EPG5: variants seen among roughly 807,000 people sequenced by gnomAD.
The protein encoded by EPG5 is ectopic P-granules 5 autophagy tethering factor.
In EPG5, 159 loss-of-function variants were observed where a neutral mutation model predicts 302.7. That is an observed-to-expected ratio of 0.53 (90% CI 0.46 to 0.60). EPG5 has a LOEUF of 0.60. Ranked by LOEUF, EPG5 falls within the 20% of genes least tolerant of loss-of-function variation. The pLI, the probability that EPG5 is intolerant of heterozygous loss-of-function variation, is 0.00. For synonymous variants in EPG5, 1,158 were observed against 1,136.8 expected, an observed-to-expected ratio of 1.02 and a Z score of -0.37; for missense variants, 2,896 against 3,092.4, an observed-to-expected ratio of 0.94 and a Z score of 1.51.
At chr18:45,892,342 CAAG>C (rs886980069) in intron 27 of EPG5, among the ~76,000 whole-genome samples, 2 of 152,154 alleles carry the variant, frequency 1.3e-5, no homozygotes, top group Non-Finnish European at 2.9e-5. Context: ...TTCATAATTA[CAAG>C]AAGTAGTAGA....
the EPG5 span, chr18:45,840,152 G>A: frequency 6.8e-5 from 109 of 1,591,604 alleles, 1 homozygote; most frequent in Non-Finnish European, 7.6e-5. Context: ...GGGGGTGGGC[G>A]CACAGGCTGC....
At position 45,876,261 on chromosome 18, in the gene EPG5, A is replaced by C; in HGVS notation, c.6024T>G (p.Ile2008Met). The C allele has an allele frequency of 6.2e-7, 1 of 1,613,812 alleles. No homozygotes were observed. The highest frequency in any genetic ancestry group is 8.5e-7 in the Non-Finnish European group (1 of 1,179,700). Reference sequence around the variant, plus strand: ...CTTTAAAACTCTCATGCAGTGAGTCAATACAGTCAGTGAACAGCTGCACAA... The same window carrying C: ...CTTTAAAACTCTCATGCAGTGAGTCCATACAGTCAGTGAACAGCTGCACAA... ...SSIVQLFTDC[I>M]DSLHESFKDK... is the part of the protein sequence containing the mutation. Residue 2008 changes from isoleucine to methionine, a missense_variant, in exon 35 of 44, where the codon ATT becomes ATG. Transcript: ENST00000282041.
chr18:45,899,349 A>C, intron 27 of EPG5, 55 bp downstream of exon 27: 2 of 1,596,308 alleles, frequency 1.3e-6, no homozygotes, highest in Non-Finnish European at 1.7e-6. Flanking sequence ...TTGATAAGCC[A>C]ACATTACGGA....
rs1257526885 is a variant in EPG5, at chr18:45,916,100, G to A, written c.3491C>T (p.Pro1164Leu). 1.2e-6 allele frequency: 2 copies of A among 1,614,062 alleles called. No individual in the cohort carries two copies. The highest frequency in any genetic ancestry group is 1.3e-5 in the African/African-American group (1 of 74,934). ...ISQHLWYREQ[P>L]ILFLMDHLCK... The stretch of plus-strand genomic sequence containing the variant: ...CAAGTGGTCCATGAGGAAGAGGATA[G>A]GTTGTTCTCGGTACCAGAGATGCTG... Residue 1164 changes from proline to leucine, a missense_variant, in exon 19 of 44, where the codon CCT becomes CTT. By Grantham distance (98) the Pro-to-Leu change is moderately conservative. Around this residue, in one of 5 missense-constraint regions of EPG5, gnomAD observed 1,390 missense variants for 1,430.0 expected, o/e 0.97. Coordinates refer to ENST00000282041, the MANE Select transcript of EPG5 (RefSeq NM_020964.3).
the EPG5 span, among the ~76,000 whole-genome samples, chr18:45,823,242 G>A: frequency 1.3e-5 from 2 of 152,112 alleles, no homozygotes; most frequent in East Asian, 3.9e-4. Flanking sequence ...AACAAATTTA[G>A]GAATTTGAGC....
intron 27 of EPG5, among the ~76,000 whole-genome samples, chr18:45,895,841 T>C (rs1273576888): frequency 1.3e-5 from 2 of 152,306 alleles, no homozygotes; most frequent in South Asian, 2.1e-4. Context: ...TGATGAGTCA[T>C]AAACACTGAG....
chr18:45,808,408 T>C, the EPG5 span, among the ~76,000 whole-genome samples: 308 of 152,264 alleles, frequency 2.0e-3, 1 homozygote, highest in African/African-American at 7.0e-3. Context: ...AAAAAGATCA[T>C]ACCTATGCAC....
intron 1 of EPG5, among the ~76,000 whole-genome samples, chr18:45,959,409 G>A (rs746052445): frequency 6.6e-6 from 1 of 151,842 alleles, no homozygotes; most frequent in Non-Finnish European, 1.5e-5. Context: ...CACTTTGGAA[G>A]GCTGAGGCAG....
intron 26 of EPG5, among the ~76,000 whole-genome samples, chr18:45,900,558 C>A (rs562691697): frequency 6.6e-6 from 1 of 152,278 alleles, no homozygotes; most frequent in South Asian, 2.1e-4. Flanking sequence ...ATTGTATCCA[C>A]CTTGTGAACT....
chr18:45,922,714 A>T, intron 15 of EPG5, 114 bp from the exon 16 acceptor site: 1 of 1,268,814 alleles, frequency 7.9e-7, no homozygotes, highest in Non-Finnish European at 1.1e-6. Flanking sequence ...GGAATATTCT[A>T]CTTGCTGGTC....
chr18:45,855,499 C>T, intron 43 of EPG5, 74 bp downstream of exon 43: 2 of 1,025,006 alleles, frequency 2.0e-6, no homozygotes, highest in Non-Finnish European at 3.0e-6. Flanking sequence ...CGCGCACAGG[C>T]TACGGCTGCC....
rs2145207993 is a variant in EPG5 at position 45,860,033 on chromosome 18, C to G, written c.7009+71G>C. The G allele has an allele frequency of 3.8e-6, 6 of 1,568,582 alleles. No homozygotes were observed. The South Asian group carries it at 5.8e-5, about 15-fold the overall frequency. On this transcript the variant is annotated intron_variant, in intron 40 of 43. Transcript: ENST00000282041. ...CACTGGGAAGAGTCTGGAAACATATCTGCTGATGACAATGCTTTCATCTTT... is the reference window on the plus strand; with the variant it reads ...CACTGGGAAGAGTCTGGAAACATATGTGCTGATGACAATGCTTTCATCTTT...
intron 10 of EPG5, among the ~76,000 whole-genome samples, chr18:45,935,549 A>C (rs758751720): frequency 5.9e-5 from 9 of 152,146 alleles, no homozygotes; most frequent in Non-Finnish European, 1.2e-4. Flanking sequence ...ACTCAAAAAT[A>C]ATAAGTATTA....
chr18:45,872,019 C>T (rs190680080), intron 35 of EPG5, among the ~76,000 whole-genome samples: 1 of 152,304 alleles, frequency 6.6e-6, no homozygotes, highest in African/African-American at 2.4e-5. Flanking sequence ...CACTGTAAAT[C>T]ACACTGTACC....
intron 9 of EPG5, 119 bp from the exon 10 acceptor site, chr18:45,939,874 C>T: frequency 1.1e-6 from 1 of 897,050 alleles, no homozygotes; most frequent in Admixed American, 2.8e-5. Context: ...TATCCACCTA[C>T]TATTGTCCAG....
chr18:45,810,432 T>C, the EPG5 span, among the ~76,000 whole-genome samples: 346 of 152,220 alleles, frequency 2.3e-3, 4 homozygotes, highest in African/African-American at 8.1e-3. Flanking sequence ...TACAGACCAA[T>C]ATCCCCAATG....
chr18:45,942,075 G>GT (rs1238452320), intron 9 of EPG5, among the ~76,000 whole-genome samples: 1 of 151,922 alleles, frequency 6.6e-6, no homozygotes, highest in Non-Finnish European at 1.5e-5. Flanking sequence ...AATACAAAAA[G>GT]TTAGCTGGGC....
intron 43 of EPG5, among the ~76,000 whole-genome samples, 181 bp from the exon 44 acceptor site, chr18:45,852,830 G>A (rs781457825): frequency 3.8e-4 from 58 of 152,198 alleles, no homozygotes; most frequent in Admixed American, 8.5e-4. Flanking sequence ...CAACCAGAAG[G>A]AGGCCAGCAG....
intron 39 of EPG5, among the ~76,000 whole-genome samples, chr18:45,861,659 C>T (rs1439016025): frequency 1.3e-5 from 2 of 152,188 alleles, no homozygotes; most frequent in East Asian, 1.9e-4. Context: ...CAGGCTGATG[C>T]TAAAATTTTA....
Sources: allele counts gnomAD v4.1 joint callset (sites outside exome capture counted in the v4.1 genomes callset), GRCh38; gene constraint gnomAD v4.1.1; regional missense constraint gnomAD v4.1.1; transcripts MANE v1.5; gene names NCBI Gene and HGNC (gene_info 2026-07-23, HGNC 2026-07-21).